The following TRPC4 variants were observed in gnomAD, a reference collection of about 807,000 sequenced individuals.
TRPC4 encodes the protein short transient receptor potential channel 4.
TRPC4 carries 49 observed loss-of-function variants against 99.4 expected under a neutral mutation model. The observed-to-expected ratio is 0.49, with a 90% CI of 0.39 to 0.63. The LOEUF (loss-of-function observed/expected upper bound fraction) is 0.63, where lower values mean the gene tolerates loss of function less well. Ranked by LOEUF, TRPC4 falls within the 20% of genes least tolerant of loss-of-function variation. The probability of loss-of-function intolerance (pLI) is 0.00; values close to 1 mark genes in which losing one functional copy is unlikely to be tolerated. For missense variants in TRPC4, 898 were observed against 1,152.9 expected (o/e 0.78, Z 3.20); for synonymous variants, 454 against 425.9 (o/e 1.07, Z -0.81).
chr13:37,736,871 GAC>G (rs1177780135), intron 3 of TRPC4, among the ~76,000 whole-genome samples: 2 of 149,968 alleles, frequency 1.3e-5, no homozygotes, highest in African/African-American at 4.9e-5. Flanking sequence ...TGCGAGTACA[GAC>G]ACACACCACT....
At chr13:37,827,133 T>C (rs1173873263) in intron 1 of TRPC4, among the ~76,000 whole-genome samples, 1 of 152,150 alleles carries the variant, frequency 6.6e-6, no homozygotes, top group African/African-American at 2.4e-5. Context: ...TCACCTCCTT[T>C]AAACACTTCT....
At chr13:37,744,894 G>A (rs990462056) in intron 3 of TRPC4, among the ~76,000 whole-genome samples, 1 of 152,036 alleles carries the variant, frequency 6.6e-6, no homozygotes, top group Non-Finnish European at 1.5e-5. Context: ...TAAGAAGTAT[G>A]AGATTCTGTT....
intron 3 of TRPC4, among the ~76,000 whole-genome samples, chr13:37,726,882 C>T (rs545240505): frequency 7.9e-5 from 12 of 152,074 alleles, no homozygotes; most frequent in African/African-American, 2.9e-4. Flanking sequence ...AGGTTTATTA[C>T]AAGAAGATAT....
chr13:37,754,508 A>G (rs942705982), intron 2 of TRPC4, among the ~76,000 whole-genome samples: 1 of 152,168 alleles, frequency 6.6e-6, no homozygotes, highest in African/African-American at 2.4e-5. Flanking sequence ...TATTGGCATT[A>G]AATTATATAC....
chr13:37,787,343 T>C (rs1270362203), intron 1 of TRPC4, among the ~76,000 whole-genome samples: 1 of 152,072 alleles, frequency 6.6e-6, no homozygotes, highest in East Asian at 1.9e-4. Context: ...ATTTGTACTT[T>C]GTCTGGAATC....
At chr13:37,767,463 A>T (rs1956409083) in intron 2 of TRPC4, among the ~76,000 whole-genome samples, 1 of 151,334 alleles carries the variant, frequency 6.6e-6, no homozygotes. Context: ...CAATCTCTGC[A>T]AAGAAGACTG....
At chr13:37,749,402 T>C (rs1955871813) in intron 2 of TRPC4, among the ~76,000 whole-genome samples, 1 of 152,176 alleles carries the variant, frequency 6.6e-6, no homozygotes, top group Non-Finnish European at 1.5e-5. Context: ...GTCTTTACCA[T>C]TAATTGCCTG....
intron 6 of TRPC4, among the ~76,000 whole-genome samples, chr13:37,662,874 C>T (rs762025030): frequency 1.3e-5 from 2 of 152,186 alleles, no homozygotes; most frequent in Non-Finnish European, 2.9e-5. Flanking sequence ...CTCATCCAGC[C>T]ATAAGGGCAC....
intron 1 of TRPC4, among the ~76,000 whole-genome samples, chr13:37,816,106 C>T (rs1171714666): frequency 1.3e-5 from 2 of 151,738 alleles, no homozygotes; most frequent in African/African-American, 2.4e-5. Flanking sequence ...AGATAAAACA[C>T]TGTTAAGAGA....
chr13:37,724,301 A>G (rs1954965495), intron 3 of TRPC4, among the ~76,000 whole-genome samples: 1 of 152,174 alleles, frequency 6.6e-6, no homozygotes, highest in Non-Finnish European at 1.5e-5. Flanking sequence ...ACGTGGATGC[A>G]GATATCTGGT....
At chr13:37,658,231 A>G (rs1952308903) in intron 6 of TRPC4, among the ~76,000 whole-genome samples, 1 of 152,206 alleles carries the variant, frequency 6.6e-6, no homozygotes, top group Non-Finnish European at 1.5e-5. Flanking sequence ...CTACAATTTA[A>G]TTAAGTGACA....
chr13:37,693,740 T>C (rs1049902334), intron 3 of TRPC4, among the ~76,000 whole-genome samples: 3 of 152,236 alleles, frequency 2.0e-5, no homozygotes, highest in Middle Eastern at 3.2e-3. Flanking sequence ...TGGTTTTTCA[T>C]GCAACTGTTT....
At chr13:37,736,895 A>ATT (rs34176145) in intron 3 of TRPC4, among the ~76,000 whole-genome samples, 35,328 of 127,534 alleles carry the variant, frequency 0.28, 6,209 homozygotes, top group Non-Finnish European at 0.38. Context: ...TGCCTGGCTA[A>ATT]TTTTTTTTTT....
At chr13:37,812,018 C>T (rs1957702909) in intron 1 of TRPC4, among the ~76,000 whole-genome samples, 1 of 151,008 alleles carries the variant, frequency 6.6e-6, no homozygotes, top group African/African-American at 2.4e-5. Context: ...CAAAAAATAT[C>T]CAGGTGTGAT....
At chr13:37,730,447 T>A (rs1009656715) in intron 3 of TRPC4, among the ~76,000 whole-genome samples, 2 of 152,028 alleles carry the variant, frequency 1.3e-5, no homozygotes, top group Non-Finnish European at 2.9e-5. Flanking sequence ...CCAAAAAAAT[T>A]AAATGTTTGG....
intron 3 of TRPC4, among the ~76,000 whole-genome samples, chr13:37,733,563 CA>C (rs926593129): frequency 6.6e-6 from 1 of 151,862 alleles, no homozygotes; most frequent in Non-Finnish European, 1.5e-5. Context: ...ATAGGAGTTT[CA>C]AAAAATAATA....
rs772536839 is a variant in TRPC4 at position 37,637,081 on chromosome 13, A to G, written c.2756T>C (p.Leu919Pro). The change falls in exon 11 of 11, where the codon CTG (leucine) becomes CCG (proline). Residue 919 changes from leucine to proline, a missense_variant. By Grantham distance (98) the Leu-to-Pro change is moderately conservative (BLOSUM62 -3). Transcript: ENST00000379705. ...CACTCTCTTTCCTACCTGTAACCCC[A>G]GTGTGTCCGTATTCCTTTCTCTATG... ...VDHRERNTDT[L>P]GLQVGKRVCP... 4 of 1,613,748 alleles carry G rather than the reference A, an allele frequency of 2.5e-6. No individual in the cohort carries two copies. The Admixed American group carries it at 5.0e-5, about 20-fold the overall frequency.
chr13:37,649,775 T>C (rs529884341), intron 8 of TRPC4, among the ~76,000 whole-genome samples: 1 of 128,712 alleles, frequency 7.8e-6, no homozygotes, highest in African/African-American at 2.8e-5. Context: ...AACAAAGAAC[T>C]AAGCTATTAC....
At position 37,781,081 on chromosome 13, in the gene TRPC4, A is replaced by G. The variant is rs144008832; in HGVS notation, c.378+1875T>C. Among the ~76,000 whole-genome samples the G allele has an allele frequency of 2.4e-3, 372 of 152,206 alleles. 1 individual carries two copies. Among genetic ancestry groups the G allele is most frequent in the Non-Finnish European group, 4.3e-3 (294 of 67,980 alleles). ...CTAGAGTTTAGTTCAGAAGTTGAAC[A>G]TCTTCCAACAAACACTCTCATAATA... On this transcript the variant is annotated intron_variant, in intron 2 of 10. Transcript: ENST00000379705.
Sources: gnomAD v4.1 joint callset for allele counts (sites outside exome capture counted in the v4.1 genomes callset) on GRCh38, gnomAD v4.1.1 for gene constraint, MANE v1.5 for transcripts, NCBI Gene and HGNC (gene_info 2026-07-23, HGNC 2026-07-21) for gene names.